The following GCNT2 variants were observed in gnomAD, a reference collection of about 807,000 sequenced individuals.
GCNT2 encodes glucosaminyl (N-acetyl) transferase 2 (I blood group).
GCNT2 carries 34 observed loss-of-function variants against 34.2 expected under a neutral mutation model. The ratio of observed to expected loss-of-function variants is 1.00; its 90% confidence interval spans 0.76 to 1.32. The LOEUF is 1.32. Ranked by LOEUF, GCNT2 falls within the 40% of genes most tolerant of loss-of-function variation. The pLI is 0.00. For synonymous variants in GCNT2, 212 were observed against 188.0 expected (o/e 1.13, Z -1.04); for missense variants, 584 against 489.4 (o/e 1.19, Z -1.82).
rs1010225882 is a variant in GCNT2, at chr6:10,628,993, G to A, written c.*2386G>A. On this transcript the variant is annotated 3_prime_UTR_variant, in exon 5 of 5. Transcript: ENST00000495262. ...GCTGAGAGTGCCCCACTGCACTCCAGCCTGGGTGACAGAGCGAGACTTTGT... is the reference window on the plus strand; with the variant it reads ...GCTGAGAGTGCCCCACTGCACTCCAACCTGGGTGACAGAGCGAGACTTTGT... 4 of 152,686 alleles carry A rather than the reference G, an allele frequency of 2.6e-5. No homozygotes were observed. The highest frequency in any genetic ancestry group is 9.6e-5 in the African/African-American group (4 of 41,472). The allele number at this position is 152,686 out of a possible 1,614,324, so 9.5% of individuals were successfully genotyped here.
At chr6:10,524,847 GAAAAGGAAA>G (rs1001957437) in intron 1 of GCNT2, among the ~76,000 whole-genome samples, 1 of 143,494 alleles carries the variant, frequency 7.0e-6, no homozygotes, top group African/African-American at 2.7e-5. Context: ...CCAAAAAAAA[GAAAAGGAAA>G]GAAAGAAAAG....
At chr6:10,582,664 GA>G (rs1236285054) in intron 3 of GCNT2, among the ~76,000 whole-genome samples, 1 of 146,692 alleles carries the variant, frequency 6.8e-6, no homozygotes, top group Non-Finnish European at 1.5e-5. Context: ...TGATGGGGAA[GA>G]AAAGAGTGGA....
At chr6:10,600,750 G>A (rs942899421) in intron 3 of GCNT2, among the ~76,000 whole-genome samples, 98 of 152,098 alleles carry the variant, frequency 6.4e-4, no homozygotes, top group African/African-American at 2.3e-3. Flanking sequence ...AGATCCTCAG[G>A]CAGTTTTATT....
intron 3 of GCNT2, among the ~76,000 whole-genome samples, chr6:10,616,298 A>C (rs964838491): frequency 6.6e-6 from 1 of 152,230 alleles, no homozygotes; most frequent in Non-Finnish European, 1.5e-5. Context: ...TACCACTCAT[A>C]TAGGCTGTAT....
At chr6:10,597,153 C>T (rs1248278915) in intron 3 of GCNT2, among the ~76,000 whole-genome samples, 14 of 112,586 alleles carry the variant, frequency 1.2e-4, no homozygotes, top group Admixed American at 3.1e-4. Flanking sequence ...TAGGAATTGC[C>T]TTTTTTTTTT....
chr6:10,592,520 G>T (rs1354611303), intron 3 of GCNT2, among the ~76,000 whole-genome samples: 1 of 152,080 alleles, frequency 6.6e-6, no homozygotes, highest in African/African-American at 2.4e-5. Flanking sequence ...GAAACCTTAG[G>T]CAGGTTATAA....
rs35071552 is a variant in GCNT2, at chr6:10,551,451, A to AT, written c.925+21627dup. Among the ~76,000 whole-genome samples, 216 of 144,154 alleles carry AT rather than the reference A, an allele frequency of 1.5e-3. 1 individual carries two copies. Among genetic ancestry groups the AT allele is most frequent in the South Asian group, 6.1e-3 (28 of 4,568 alleles). 94.6% of individuals were successfully genotyped at this position (144,154 alleles called of 152,430 possible). ...TATTATTTATTATTATTATTAATTT[A>AT]TTTTTTTTTTTTGAGATGGAGTCTC... On this transcript the variant is annotated intron_variant, in intron 3 of 4. Coordinates refer to ENST00000495262, the MANE Select transcript of GCNT2 (RefSeq NM_145649.5).
chr6:10,544,236 C>A (rs998088904), intron 3 of GCNT2, among the ~76,000 whole-genome samples: 1 of 151,880 alleles, frequency 6.6e-6, no homozygotes. Context: ...ATTGCATGAA[C>A]CCAGGAGGCG....
At chr6:10,577,498 G>A (rs1193620639) in intron 3 of GCNT2, among the ~76,000 whole-genome samples, 1 of 152,126 alleles carries the variant, frequency 6.6e-6, no homozygotes, top group Non-Finnish European at 1.5e-5. Flanking sequence ...TAAGGGGCTC[G>A]AATTCCATGG....
At chr6:10,590,841 C>T (rs944134578) in intron 3 of GCNT2, among the ~76,000 whole-genome samples, 4 of 152,172 alleles carry the variant, frequency 2.6e-5, no homozygotes, top group African/African-American at 9.7e-5. Flanking sequence ...CATGAGCCAC[C>T]GCGCCCGGCC....
intron 3 of GCNT2, among the ~76,000 whole-genome samples, chr6:10,557,659 T>TA (rs1176635910): frequency 1.3e-5 from 2 of 151,840 alleles, no homozygotes; most frequent in South Asian, 2.1e-4. Context: ...GGCTAATTTT[T>TA]AAAAAAAATT....
chr6:10,615,510 C>G (rs1470989122), intron 3 of GCNT2, among the ~76,000 whole-genome samples: 4 of 152,088 alleles, frequency 2.6e-5, no homozygotes, highest in Non-Finnish European at 5.9e-5. Flanking sequence ...GATGGGATTT[C>G]TGTATGTTGC....
At chr6:10,570,809 G>A (rs929717801) in intron 3 of GCNT2, among the ~76,000 whole-genome samples, 9 of 152,158 alleles carry the variant, frequency 5.9e-5, no homozygotes, top group Non-Finnish European at 1.2e-4. Context: ...GTCCTAGAGA[G>A]GCTGAACTTG....
chr6:10,534,865 A>C (rs945092955), intron 3 of GCNT2, among the ~76,000 whole-genome samples: 14 of 152,094 alleles, frequency 9.2e-5, no homozygotes, highest in Non-Finnish European at 1.8e-4. Flanking sequence ...TGTCTCAAAA[A>C]ATGGATAAAT....
chr6:10,583,264 A>G (rs1764201790), intron 3 of GCNT2, among the ~76,000 whole-genome samples: 1 of 152,124 alleles, frequency 6.6e-6, no homozygotes, highest in Non-Finnish European at 1.5e-5. Flanking sequence ...AGTTCACTGT[A>G]GGAAGTTAAG....
At chr6:10,606,675 T>TGGAAATTCCCATTAA (rs1765331154) in intron 3 of GCNT2, among the ~76,000 whole-genome samples, 1 of 149,492 alleles carries the variant, frequency 6.7e-6, no homozygotes, top group African/African-American at 2.5e-5. Flanking sequence ...AGAAATTTAA[T>TGGAAATTCCCATTAA]AGTGGTTGAG....
chr6:10,580,960 G>C (rs563023446), intron 3 of GCNT2, among the ~76,000 whole-genome samples: 1 of 152,288 alleles, frequency 6.6e-6, no homozygotes, highest in South Asian at 2.1e-4. Flanking sequence ...AGAGAGGTGG[G>C]ACTGATACAG....
chr6:10,555,914 C>G, intron 3 of GCNT2: 1 of 1,001,202 alleles, frequency 1.0e-6, no homozygotes, highest in Non-Finnish European at 1.2e-6. Context: ...ATCCTTGCCA[C>G]GAACAACAAG....
chr6:10,599,395 A>C (rs1245684460), intron 3 of GCNT2, among the ~76,000 whole-genome samples: 1 of 152,206 alleles, frequency 6.6e-6, no homozygotes, highest in Admixed American at 6.5e-5. Flanking sequence ...TCAGTAAAAT[A>C]TGTGGTGTTG....
Sources: allele counts gnomAD v4.1 joint callset (sites outside exome capture counted in the v4.1 genomes callset), GRCh38; gene constraint gnomAD v4.1.1; transcripts MANE v1.5; gene names NCBI Gene and HGNC (gene_info 2026-07-23, HGNC 2026-07-21).